GLI3: variants seen among roughly 807,000 people sequenced by gnomAD.
GLI3 encodes GLI family zinc finger 3.
A neutral mutation model predicts 100.8 loss-of-function variants in GLI3; 20 were observed. The observed-to-expected ratio is 0.20, with a 90% CI of 0.14 to 0.29. GLI3 has a LOEUF of 0.29. Among genes scored for constraint, GLI3 ranks in the 10% least tolerant of loss-of-function variants. The probability of loss-of-function intolerance (pLI) is 1.00; values close to 1 mark genes in which losing one functional copy is unlikely to be tolerated. For missense variants in GLI3, 2,040 were observed against 2,128.5 expected, an observed-to-expected ratio of 0.96 and a Z score of 0.82; for synonymous variants, 938 against 860.5, an observed-to-expected ratio of 1.09 and a Z score of -1.58.
At chr7:42,040,616 T>C (rs1378626137) in intron 6 of GLI3, among the ~76,000 whole-genome samples, 2 of 152,090 alleles carry the variant, frequency 1.3e-5, no homozygotes, top group Non-Finnish European at 2.9e-5. Flanking sequence ...AATGGCAACA[T>C]ACCACCCTCC....
At chr7:42,140,579 A>G (rs1786543802) in intron 3 of GLI3, among the ~76,000 whole-genome samples, 1 of 152,218 alleles carries the variant, frequency 6.6e-6, no homozygotes, top group Non-Finnish European at 1.5e-5. Flanking sequence ...CAAAGCGTAC[A>G]ACAAGAATCC....
Position 41,966,463 on chromosome 7 carries a change from G to A in GLI3, c.2610C>T (p.Cys870=), listed in dbSNP as rs1382875512. 8 of 1,612,776 alleles carry A rather than the reference G, an allele frequency of 5.0e-6. No individual in the cohort carries two copies. Among genetic ancestry groups the A allele is most frequent in the Non-Finnish European group, 6.8e-6 (8 of 1,179,774 alleles). Residue 870 remains cysteine, a synonymous_variant, in exon 15 of 15, where the codon TGC becomes TGT. Coordinates refer to ENST00000395925, the MANE Select transcript of GLI3 (RefSeq NM_000168.6). The surrounding 1 kb of genome is among the most constrained non-coding windows in gnomAD (Gnocchi z 5.8). ...CCTCGCTGGAGCGGCGGCTGGAGAA[G>A]CAGGGCGAGATCCCTGAGGAGCGGC... The part of the protein sequence containing the change: ...SSRRSSGISP[C]FSSRRSSEAS...
intron 3 of GLI3, among the ~76,000 whole-genome samples, chr7:42,106,126 C>T (rs574488493): frequency 6.7e-6 from 1 of 149,600 alleles, no homozygotes; most frequent in South Asian, 2.1e-4. Context: ...GCCTCCATCT[C>T]CCCAGCAGTT....
intron 3 of GLI3, among the ~76,000 whole-genome samples, chr7:42,138,115 C>G (rs1159809874): frequency 6.6e-6 from 1 of 152,184 alleles, no homozygotes; most frequent in African/African-American, 2.4e-5. Flanking sequence ...GCTGACCCCT[C>G]AGGACCTAGA....
chr7:42,192,332 G>T (rs899626501), intron 2 of GLI3, among the ~76,000 whole-genome samples: 1 of 152,288 alleles, frequency 6.6e-6, no homozygotes, highest in Middle Eastern at 3.4e-3. Context: ...CCACACTTGG[G>T]TCCATGCAGC....
chr7:41,987,195 G>A (rs1409247886), intron 10 of GLI3, among the ~76,000 whole-genome samples: 1 of 151,888 alleles, frequency 6.6e-6, no homozygotes, highest in Admixed American at 6.6e-5. Flanking sequence ...GTGAGACAGA[G>A]TCTTGCTCTG....
chr7:42,179,290 T>G (rs185352633), intron 2 of GLI3, among the ~76,000 whole-genome samples: 85 of 152,300 alleles, frequency 5.6e-4, no homozygotes, highest in Admixed American at 1.2e-3. Context: ...CTTCTTTCTT[T>G]TGTAAATTGT....
intron 2 of GLI3, among the ~76,000 whole-genome samples, chr7:42,185,728 A>G (rs779887687): frequency 1.3e-4 from 20 of 152,230 alleles, no homozygotes; most frequent in South Asian, 6.2e-4. Flanking sequence ...CCAGCCTGCA[A>G]CTGGTGCTAT....
chr7:42,247,002 G>C (rs968108167), intron 1 of GLI3, among the ~76,000 whole-genome samples: 1 of 151,840 alleles, frequency 6.6e-6, no homozygotes, highest in Non-Finnish European at 1.5e-5. Flanking sequence ...CCATTAAGCC[G>C]GTTGTACAGG....
At chr7:42,164,687 G>A (rs1048773693) in intron 2 of GLI3, among the ~76,000 whole-genome samples, 2 of 151,796 alleles carry the variant, frequency 1.3e-5, no homozygotes, top group East Asian at 2.0e-4. Context: ...ACAATTAGCC[G>A]GGCGTGGTGG....
intron 10 of GLI3, among the ~76,000 whole-genome samples, chr7:42,009,582 C>T (rs567988577): frequency 6.6e-6 from 1 of 151,394 alleles, no homozygotes; most frequent in South Asian, 2.1e-4. Flanking sequence ...CTCAACTGGC[C>T]TCTGACTCCC....
At chr7:42,258,885 C>T (rs1054012762) in intron 1 of GLI3, among the ~76,000 whole-genome samples, 1 of 152,150 alleles carries the variant, frequency 6.6e-6, no homozygotes, top group African/African-American at 2.4e-5. Flanking sequence ...ACTTTTGGCC[C>T]ATAGCATTAT....
intron 3 of GLI3, chr7:42,118,176 C>T: frequency 2.5e-6 from 1 of 393,836 alleles, no homozygotes; most frequent in East Asian, 3.6e-5. Context: ...TAATGAAATA[C>T]ACTCAAGGGC....
In GLI3 at chr7:41,966,180, C is replaced by T. The variant is rs1489678675; in HGVS notation, c.2893G>A (p.Glu965Lys). 3.1e-6 allele frequency: 5 copies of T among 1,603,106 alleles called. No individual in the cohort carries two copies. Among genetic ancestry groups the T allele is most frequent in the African/African-American group, 1.3e-5 (1 of 74,920 alleles). ...ACTGGAGGCAGGGCCACGCCAGGCTCGAGGGCATCCCCGAGCAGCGCCAGG... is the reference window on the plus strand; with the variant it reads ...ACTGGAGGCAGGGCCACGCCAGGCTTGAGGGCATCCCCGAGCAGCGCCAGG... ...TRLALLGDALEPGVALPPVHA... is the reference protein window; with the variant it reads ...TRLALLGDALKPGVALPPVHA... The change falls in exon 15 of 15, where the codon GAG (glutamate) becomes AAG (lysine). Residue 965 changes from glutamate (E) to lysine (K), a missense_variant. By Grantham distance (56) the Glu-to-Lys change is moderately conservative. Around this residue, in one of 5 missense-constraint regions of GLI3, gnomAD observed 1,041 missense variants for 924.0 expected, o/e 1.13. Coordinates refer to ENST00000395925, the MANE Select transcript of GLI3 (RefSeq NM_000168.6). The surrounding 1 kb of genome is among the most constrained non-coding windows in gnomAD (Gnocchi z 5.8).
At chr7:42,014,783 T>G (rs957516812) in intron 10 of GLI3, among the ~76,000 whole-genome samples, 3 of 152,162 alleles carry the variant, frequency 2.0e-5, no homozygotes, top group African/African-American at 7.2e-5. Flanking sequence ...ATGAAGCGTT[T>G]TCTTCTAGCT....
intron 1 of GLI3, among the ~76,000 whole-genome samples, chr7:42,260,273 T>C (rs1469458306): frequency 2.6e-5 from 4 of 152,212 alleles, no homozygotes; most frequent in Non-Finnish European, 5.9e-5. Context: ...AGTCCATGAA[T>C]GTTCACAGAT....
chr7:42,006,840 T>G (rs1324411890), intron 10 of GLI3, among the ~76,000 whole-genome samples: 1 of 152,172 alleles, frequency 6.6e-6, no homozygotes, highest in Non-Finnish European at 1.5e-5. Context: ...TCTTAGGACT[T>G]AAAGACCAGT....
chr7:42,068,624 G>A (rs1172693631), intron 4 of GLI3, among the ~76,000 whole-genome samples: 1 of 152,170 alleles, frequency 6.6e-6, no homozygotes, highest in Non-Finnish European at 1.5e-5. Context: ...CCCCGGGGCA[G>A]GGATGGGGAT....
chr7:42,199,465 CTG>C (rs1787994250), intron 2 of GLI3, among the ~76,000 whole-genome samples: 1 of 152,236 alleles, frequency 6.6e-6, no homozygotes, highest in African/African-American at 2.4e-5. Flanking sequence ...TCCAGTTCCC[CTG>C]TCTCACCAAG....
Sources: gnomAD v4.1 joint callset for allele counts (sites outside exome capture counted in the v4.1 genomes callset) on GRCh38, gnomAD v4.1.1 for gene constraint, gnomAD v4.1.1 regional missense constraint, Gnocchi (gnomAD v3.1) non-coding constraint, MANE v1.5 for transcripts, NCBI Gene and HGNC (gene_info 2026-07-23, HGNC 2026-07-21) for gene names.